LHFPL3: variants seen among roughly 807,000 people sequenced by gnomAD.
LHFPL3 encodes the protein LHFPL tetraspan subfamily member 3 protein.
Under a neutral mutation model 19.3 loss-of-function variants are expected in LHFPL3, and 5 were observed. That is an observed-to-expected ratio of 0.26 (90% CI 0.14 to 0.54). LHFPL3 has a LOEUF of 0.54. LHFPL3 is among the 20% of genes least tolerant of loss of function. The probability of loss-of-function intolerance (pLI) is 0.94; values close to 1 mark genes in which losing one functional copy is unlikely to be tolerated. For missense variants in LHFPL3, 249 were observed against 307.4 expected (o/e 0.81, Z 1.42); for synonymous variants, 133 against 126.2 (o/e 1.05, Z -0.36).
At chr7:104,900,947 A>G (rs970559814) in intron 2 of LHFPL3, among the ~76,000 whole-genome samples, 30 of 152,238 alleles carry the variant, frequency 2.0e-4, no homozygotes, top group African/African-American at 7.2e-4. Flanking sequence ...AGAATGTGAC[A>G]TATTTTAAAT....
Position 104,674,017 on chromosome 7 carries a change from GT to G in LHFPL3, c.446-62656del, listed in dbSNP as rs559500067. ...AAAAGAGACCAACTGGACATGTTCA[GT>G]TCTTTTTCCAAGACTTTTCCAGGAT... On this transcript the variant is annotated intron_variant, in intron 1 of 2. Transcript: ENST00000424859. Among the ~76,000 whole-genome samples, 971 of 152,056 alleles carry G rather than the reference GT, an allele frequency of 6.4e-3. 4 individuals are homozygous for G. Among genetic ancestry groups the G allele is most frequent in the Non-Finnish European group, 0.01 (680 of 67,978 alleles).
chr7:104,610,876 AC>A (rs1425939709), intron 1 of LHFPL3, among the ~76,000 whole-genome samples: 9 of 152,366 alleles, frequency 5.9e-5, no homozygotes, highest in African/African-American at 2.2e-4. Context: ...AAGATGAGTA[AC>A]AAAAAGTAAA....
intron 2 of LHFPL3, among the ~76,000 whole-genome samples, chr7:104,782,196 G>T (rs114053567): frequency 6.6e-6 from 1 of 152,246 alleles, no homozygotes; most frequent in East Asian, 1.9e-4. Flanking sequence ...TTGGGATTCC[G>T]TTCCTTTCCA....
chr7:104,584,607 A>G (rs1790529241), intron 1 of LHFPL3, among the ~76,000 whole-genome samples: 1 of 152,150 alleles, frequency 6.6e-6, no homozygotes, highest in African/African-American at 2.4e-5. Context: ...CCAAAAGTAG[A>G]CTTCAGTTGT....
chr7:104,599,920 T>C (rs1280623964), intron 1 of LHFPL3, among the ~76,000 whole-genome samples: 2 of 152,172 alleles, frequency 1.3e-5, no homozygotes, highest in African/African-American at 2.4e-5. Flanking sequence ...TTAAAACTTT[T>C]TAAAGGCCCT....
At chr7:104,883,433 GTC>G (rs1792091679) in intron 2 of LHFPL3, among the ~76,000 whole-genome samples, 1 of 152,178 alleles carries the variant, frequency 6.6e-6, no homozygotes, top group Non-Finnish European at 1.5e-5. Context: ...TTATAAGTAA[GTC>G]TATTTTTAGC....
intron 1 of LHFPL3, among the ~76,000 whole-genome samples, chr7:104,407,383 G>A (rs1162779591): frequency 3.9e-5 from 6 of 152,308 alleles, no homozygotes; most frequent in Admixed American, 6.5e-5. Flanking sequence ...CTGGCTGGGC[G>A]TGGTGGCTCA....
At chr7:104,905,519 C>T (rs977301303) in intron 2 of LHFPL3, among the ~76,000 whole-genome samples, 2 of 151,966 alleles carry the variant, frequency 1.3e-5, no homozygotes, top group African/African-American at 2.4e-5. Flanking sequence ...CTCAGGAGTT[C>T]GAGATCAGCC....
Position 104,331,563 on chromosome 7 carries a change from T to C in LHFPL3, c.445+2339T>C, listed in dbSNP as rs193039704. Among the ~76,000 whole-genome samples the C allele has an allele frequency of 2.0e-3, 298 of 152,302 alleles. 2 individuals carry two copies. The highest frequency in any genetic ancestry group is 0.015 in the Admixed American group (225 of 15,288). On this transcript the variant is annotated intron_variant, in intron 1 of 2. Coordinates refer to ENST00000424859, the MANE Select transcript of LHFPL3 (RefSeq NM_199000.3). ...CATAGAAGATATTTCTAAACAATGT[T>C]ACATTTAACATGGTTTTCAGGATTT...
chr7:104,815,352 T>C (rs1216714742), intron 2 of LHFPL3, among the ~76,000 whole-genome samples: 1 of 152,092 alleles, frequency 6.6e-6, no homozygotes. Flanking sequence ...GAAGGGCATA[T>C]GGCTGGGGAG....
At chr7:104,476,020 G>A (rs1793005701) in intron 1 of LHFPL3, among the ~76,000 whole-genome samples, 1 of 152,090 alleles carries the variant, frequency 6.6e-6, no homozygotes, top group Non-Finnish European at 1.5e-5. Context: ...CATGCCTTGA[G>A]TCTCTGCTTA....
chr7:104,750,293 A>G (rs9691426), intron 2 of LHFPL3, among the ~76,000 whole-genome samples: 142,685 of 152,144 alleles, frequency 0.94, 66,959 homozygotes, highest in East Asian at 0.99. Context: ...TGTTTTCCTC[A>G]AATAATGGCC....
At chr7:104,845,417 G>A in intron 2 of LHFPL3, 2 of 1,536,036 alleles carry the variant, frequency 1.3e-6, no homozygotes, top group Non-Finnish European at 1.7e-6. Context: ...AAGGTAGTGT[G>A]AGACCACACC....
chr7:104,371,206 C>T (rs927491912), intron 1 of LHFPL3, among the ~76,000 whole-genome samples: 5 of 152,128 alleles, frequency 3.3e-5, no homozygotes, highest in African/African-American at 1.2e-4. Context: ...TTGCTCCAGT[C>T]TTCAAAAGAA....
chr7:104,675,826 T>G (rs865888971), intron 1 of LHFPL3, among the ~76,000 whole-genome samples: 17 of 141,096 alleles, frequency 1.2e-4, no homozygotes, highest in African/African-American at 3.9e-4. Context: ...GAACAACTGG[T>G]TTGGGAGGAA....
chr7:104,793,606 G>A (rs532248198), intron 2 of LHFPL3, among the ~76,000 whole-genome samples: 4 of 152,290 alleles, frequency 2.6e-5, no homozygotes, highest in East Asian at 1.9e-4. Context: ...TAGAGTGACC[G>A]AGCAGCAACC....
chr7:104,648,634 T>C (rs1791973346), intron 1 of LHFPL3, among the ~76,000 whole-genome samples: 1 of 152,198 alleles, frequency 6.6e-6, no homozygotes, highest in Non-Finnish European at 1.5e-5. Context: ...TAGATTAATG[T>C]GGTGATATAT....
At chr7:104,438,214 A>G (rs183124328) in intron 1 of LHFPL3, among the ~76,000 whole-genome samples, 11 of 152,338 alleles carry the variant, frequency 7.2e-5, no homozygotes, top group African/African-American at 2.4e-4. Flanking sequence ...TGACACAGAC[A>G]TTCTGTTACA....
At chr7:104,821,611 G>C (rs1790677314) in intron 2 of LHFPL3, among the ~76,000 whole-genome samples, 1 of 152,168 alleles carries the variant, frequency 6.6e-6, no homozygotes, top group Non-Finnish European at 1.5e-5. Context: ...CCCTTTTAAA[G>C]GCATTACGTG....
Sources: allele counts gnomAD v4.1 joint callset (sites outside exome capture counted in the v4.1 genomes callset), GRCh38; gene constraint gnomAD v4.1.1; transcripts MANE v1.5; gene names NCBI Gene and HGNC (gene_info 2026-07-23, HGNC 2026-07-21).